The following SS18 variants were observed in gnomAD, a reference collection of about 807,000 sequenced individuals.
SS18 encodes SS18 subunit of BAF chromatin remodeling complex, also known as protein SSXT.
In SS18, 28 loss-of-function variants were observed where a neutral mutation model predicts 72.5. That is an observed-to-expected ratio of 0.39 (90% CI 0.29 to 0.53). The LOEUF (loss-of-function observed/expected upper bound fraction) is 0.53. Ranked by LOEUF, SS18 falls within the 20% of genes least tolerant of loss-of-function variation. The pLI is 0.76. For missense variants in SS18, 518 were observed against 535.3 expected (o/e 0.97, Z 0.32); for synonymous variants, 172 against 164.2 (o/e 1.05, Z -0.37).
chr18:26,089,217 T>TAA (rs556727420), intron 1 of SS18, among the ~76,000 whole-genome samples: 1 of 147,694 alleles, frequency 6.8e-6, no homozygotes, highest in Admixed American at 6.8e-5. Context: ...ACAGAAACTA[T>TAA]AAAAAAAAAA....
intron 10 of SS18, chr18:26,023,635 A>G (rs756516470): frequency 1.3e-5 from 7 of 530,902 alleles, no homozygotes; most frequent in South Asian, 1.1e-4. Flanking sequence ...CTAGAATTCT[A>G]TACCCAGAGA....
At chr18:26,058,347 A>G (rs982693478) in intron 3 of SS18, among the ~76,000 whole-genome samples, 1 of 152,234 alleles carries the variant, frequency 6.6e-6, no homozygotes, top group African/African-American at 2.4e-5. Flanking sequence ...AATTTTGAAG[A>G]AAACCACTGA....
intron 3 of SS18, among the ~76,000 whole-genome samples, chr18:26,070,068 G>C (rs2054287436): frequency 6.6e-6 from 1 of 152,052 alleles, no homozygotes; most frequent in African/African-American, 2.4e-5. Context: ...CCTTACTGGG[G>C]GTAATGGGTA....
chr18:26,046,689 T>G (rs1260578559), intron 5 of SS18, among the ~76,000 whole-genome samples: 1 of 152,248 alleles, frequency 6.6e-6, no homozygotes, highest in Non-Finnish European at 1.5e-5. Flanking sequence ...TTCATTTCTT[T>G]GTTGCACTTT....
intron 3 of SS18, among the ~76,000 whole-genome samples, chr18:26,061,191 T>C (rs995578082): frequency 6.6e-6 from 1 of 152,058 alleles, no homozygotes; most frequent in Admixed American, 6.6e-5. Flanking sequence ...CGTGCACCTG[T>C]AGGCCCAGCT....
chr18:26,017,625 G>A lies in SS18; in HGVS notation c.*729C>T, dbSNP rs2053270979. 4.9e-6 allele frequency: 1 copy of A among 204,954 alleles called. No individual in the cohort carries two copies. The highest frequency in any genetic ancestry group is 1.0e-5 in the Non-Finnish European group (1 of 100,124). The allele number at this position is 204,954 out of a possible 1,614,324, so 12.7% of individuals were successfully genotyped here. A position where few individuals can be genotyped will look rare whatever the true frequency, so the allele number is the denominator to read the frequency against. On this transcript the variant is annotated 3_prime_UTR_variant, in exon 11 of 11. Transcript: ENST00000415083. ...CACATTTTAAAACAGTATTATAAAT[G>A]ATCTTTATAAAAAGGTTTAATCCAC... is the stretch of plus-strand genomic sequence containing the variant.
intron 2 of SS18, chr18:26,084,276 G>C (rs994592233): frequency 1.3e-5 from 2 of 152,110 alleles, no homozygotes; most frequent in African/African-American, 4.8e-5. Context: ...AGTGAAGAAT[G>C]AAGGAATAGG....
Position 26,057,742 on chromosome 18 carries a change from G to A in SS18, c.232C>T (p.Pro78Ser). Residue 78 changes from proline to serine, a missense_variant and splice_region_variant, in exon 4 of 11, where the codon CCA (proline) becomes TCA (serine). Physicochemically the swap from Pro to Ser is moderately conservative, Grantham distance 74. Transcript: ENST00000415083. ...CCCATAGGCATATTCTGTGTGGGTG[G>A]CTGAAAGAAGACAGTTTAGTAAAAC... Reference protein sequence around the residue: ...NQNMQSLLPAPPTQNMPMGPG... With the variant: ...NQNMQSLLPASPTQNMPMGPG... 6.3e-7 allele frequency: 1 copy of A among 1,597,658 alleles called. No individual in the cohort carries two copies. The highest frequency in any genetic ancestry group is 8.5e-7 in the Non-Finnish European group (1 of 1,169,734).
At chr18:26,084,397 T>C (rs1288672119) in intron 2 of SS18, among the ~76,000 whole-genome samples, 1 of 152,200 alleles carries the variant, frequency 6.6e-6, no homozygotes, top group African/African-American at 2.4e-5. Context: ...AGGCAAATCA[T>C]TGGATTTTTA....
chr18:26,017,677 C>A lies in SS18; in HGVS notation c.*677G>T, dbSNP rs1409649894. 1.9e-5 allele frequency: 4 copies of A among 211,890 alleles called. No homozygotes were observed. The highest frequency in any genetic ancestry group is 1.9e-4 in the South Asian group (1 of 5,336). The allele number at this position is 211,890 out of a possible 1,614,324, so 13.1% of individuals were successfully genotyped here. A position where few individuals can be genotyped will look rare whatever the true frequency, so the allele number is the denominator to read the frequency against. ...AAACTGGAAGGCTTTTAAAAAATGT[C>A]TTTTTACTCAAAACTGTATCACAGT... On this transcript the variant is annotated 3_prime_UTR_variant, in exon 11 of 11. Coordinates refer to ENST00000415083, the MANE Select transcript of SS18 (RefSeq NM_001007559.3).
chr18:26,038,495 T>G (rs1271305550), intron 7 of SS18, 60 bp downstream of exon 7: 48 of 1,459,102 alleles, frequency 3.3e-5, no homozygotes, highest in Non-Finnish European at 4.0e-5. Context: ...TTTAAATAAC[T>G]CTCTACATTA....
chr18:26,045,495 T>C (rs1331281486), intron 5 of SS18, among the ~76,000 whole-genome samples: 1 of 152,190 alleles, frequency 6.6e-6, no homozygotes, highest in Non-Finnish European at 1.5e-5. Context: ...CTCACCACCC[T>C]AAAATGGCAT....
intron 10 of SS18, among the ~76,000 whole-genome samples, chr18:26,027,201 C>G (rs1021569400): frequency 6.6e-6 from 1 of 152,116 alleles, no homozygotes; most frequent in East Asian, 1.9e-4. Context: ...TATTTTAAAA[C>G]TATAAAACTT....
rs1442301082 is a variant in SS18, at chr18:26,017,494, T to C, written c.*860A>G. The C allele has an allele frequency of 5.1e-6, 1 of 195,852 alleles. No individual in the cohort carries two copies. Among genetic ancestry groups the C allele is most frequent in the Non-Finnish European group, 1.1e-5 (1 of 93,956 alleles). 12.1% of individuals were successfully genotyped at this position (195,852 alleles called of 1,614,324 possible). On this transcript the variant is annotated 3_prime_UTR_variant, in exon 11 of 11. Transcript: ENST00000415083. ...CTCAAACAAGGTAAAATTAACACTT[T>C]CATTTTCAGTTATTGCTATTTTAGA...
rs1051999680 is a variant in SS18 at position 26,069,028 on chromosome 18, C to A, written c.231+9048G>T. ...TGAAGACATGCTTTTATGTACTCAA[C>A]TTAGTGGATGGCATCACCATCAGTT... On this transcript the variant is annotated intron_variant, in intron 3 of 10. Coordinates refer to ENST00000415083, the MANE Select transcript of SS18 (RefSeq NM_001007559.3). Among the ~76,000 whole-genome samples, 5 of 152,152 alleles carry A rather than the reference C, an allele frequency of 3.3e-5. No homozygotes were observed. In the East Asian group the frequency reaches 9.6e-4, roughly 29 times the overall value.
chr18:26,036,003 T>C, intron 7 of SS18, 80 bp from the exon 8 acceptor site: 1 of 881,910 alleles, frequency 1.1e-6, no homozygotes, highest in Non-Finnish European at 1.7e-6. Flanking sequence ...AACTTTCAGA[T>C]AAAATTGAAA....
chr18:26,031,475 C>T (rs79903823), intron 10 of SS18, among the ~76,000 whole-genome samples: 2,325 of 152,224 alleles, frequency 0.015, 64 homozygotes, highest in African/African-American at 0.053. Flanking sequence ...TTTTAGATAG[C>T]TTAAGTGGTG....
chr18:26,038,489 A>T, intron 7 of SS18, 66 bp downstream of exon 7: 1 of 1,441,142 alleles, frequency 6.9e-7, no homozygotes, highest in Non-Finnish European at 9.7e-7. Flanking sequence ...AAATGTTTTA[A>T]ATAACTCTCT....
At chr18:26,037,735 T>C (rs2053649364) in intron 7 of SS18, among the ~76,000 whole-genome samples, 1 of 152,124 alleles carries the variant, frequency 6.6e-6, no homozygotes, top group East Asian at 1.9e-4. Context: ...AATAAGGCTT[T>C]TGGCAAACCC....
Sources: allele counts gnomAD v4.1 joint callset (sites outside exome capture counted in the v4.1 genomes callset), GRCh38; gene constraint gnomAD v4.1.1; transcripts MANE v1.5; gene names NCBI Gene and HGNC (gene_info 2026-07-23, HGNC 2026-07-21).